Variants in PRAMEF27 observed in about 807,000 individuals in gnomAD.
The protein encoded by PRAMEF27 is PRAME family member 27.
PRAMEF27 carries 5 observed loss-of-function variants against 21.0 expected under a neutral mutation model. The observed-to-expected ratio is 0.24, with a 90% CI of 0.12 to 0.50. The LOEUF is 0.50. PRAMEF27 is among the 20% of genes least tolerant of loss of function. PRAMEF27 has a pLI of 0.98. For synonymous variants in PRAMEF27, 61 were observed against 211.2 expected (o/e 0.29, Z 6.17); for missense variants, 138 against 541.4 (o/e 0.25, Z 7.39).
intron 1 of PRAMEF27, 60 bp downstream of exon 1, chr1:13,056,354 A>G (rs1333442753): frequency 8.0e-6 from 1 of 124,574 alleles, no homozygotes; most frequent in African/African-American, 4.9e-5. Flanking sequence ...CACTGTCACC[A>G]TCCCAGACTG....
Position 13,053,554 on chromosome 1 carries a change from C to T in PRAMEF27, c.106G>A (p.Glu36Lys). Residue 36 changes from glutamate (E) to lysine (K), a missense_variant, in exon 2 of 4, where the codon GAA (glutamate) becomes AAA (lysine). Transcript: ENST00000436041. ...TCCATGAACAGTGGGGGGAAAAGTTCTGTGGGCAGCTCCTCCAGGGTGGAC... is the reference window on the plus strand; with the variant it reads ...TCCATGAACAGTGGGGGGAAAAGTTTTGTGGGCAGCTCCTCCAGGGTGGAC... ...AMSTLEELPT[E>K]LFPPLFMEAF... is the part of the protein sequence containing the mutation. 5.7e-6 allele frequency: 9 copies of T among 1,570,186 alleles called. No homozygotes were observed. In the Admixed American group the frequency reaches 1.4e-4, roughly 24 times the overall value.
intron 1 of PRAMEF27, chr1:13,055,607 AG>A (rs1211366520): frequency 2.0e-5 from 3 of 150,572 alleles, no homozygotes. Flanking sequence ...TTTAAAATTA[AG>A]GTCAAAGATC....
At position 13,050,005 on chromosome 1, in the gene PRAMEF27, C is replaced by T. The variant is rs1172125965; in HGVS notation, c.1240G>A (p.Val414Met). Residue 414 changes from valine to methionine, a missense_variant, in exon 4 of 4, where the codon GTG (valine) becomes ATG (methionine). Val to Met is a conservative substitution (Grantham distance 21). Transcript: ENST00000436041. ...TAACTCTCCCGCGGGGCAGGATACA[C>T]CTCCACGCATAAGTTTTTGAGTATG... ...TIILKNLCVE[V>M]YPAPRESYGA... 130 of 1,427,510 alleles carry T rather than the reference C, an allele frequency of 9.1e-5. 25 individuals carry two copies. Among genetic ancestry groups the T allele is most frequent in the Non-Finnish European group, 1.1e-4 (120 of 1,077,624 alleles). The allele number at this position is 1,427,510 out of a possible 1,614,324, so 88.4% of individuals were successfully genotyped here. A position where few individuals can be genotyped will look rare whatever the true frequency, so the allele number is the denominator to read the frequency against.
intron 1 of PRAMEF27, chr1:13,055,675 T>C (rs1276307080): frequency 6.6e-6 from 1 of 150,508 alleles, no homozygotes; most frequent in Non-Finnish European, 1.5e-5. Flanking sequence ...TTGCCCAGGC[T>C]GGAGTACAGC....
Position 13,056,525 on chromosome 1 carries a change from C to A in PRAMEF27, c.-128G>T, listed in dbSNP as rs1570005381. ...TGGGTCTTTAGAAGCTTTTATTGAC[C>A]TTTCTAATCACAACTCCCACCCACG... is the stretch of plus-strand genomic sequence containing the variant. On this transcript the variant is annotated 5_prime_UTR_variant, in exon 1 of 4. It adds an upstream start codon to the 5' untranslated region. Transcript: ENST00000436041. The A allele has an allele frequency of 7.8e-6, 1 of 127,886 alleles. No homozygotes were observed. Among genetic ancestry groups the A allele is most frequent in the East Asian group, 2.1e-4 (1 of 4,712 alleles). The allele number at this position is 127,886 out of a possible 1,614,324, so 7.9% of individuals were successfully genotyped here. A position where few individuals can be genotyped will look rare whatever the true frequency, so the allele number is the denominator to read the frequency against.
intron 1 of PRAMEF27, chr1:13,055,795 T>C (rs1642240556): frequency 7.2e-6 from 1 of 138,520 alleles, no homozygotes; most frequent in African/African-American, 3.1e-5. Flanking sequence ...CTCACAGCTG[T>C]AATCCCAGCA....
chr1:13,051,998 C>T (rs1435101107), intron 3 of PRAMEF27, 120 bp downstream of exon 3: 2 of 1,425,846 alleles, frequency 1.4e-6, no homozygotes, highest in Non-Finnish European at 1.9e-6. Context: ...AATGTATGGA[C>T]ATTCTAGTGT....
rs1455246261 is a variant in PRAMEF27, at chr1:13,053,864, C to T, written c.-16-189G>A. The T allele has an allele frequency of 2.0e-5, 17 of 840,748 alleles. 1 individual carries two copies. The highest frequency in any genetic ancestry group is 8.8e-5 in the African/African-American group (2 of 22,742). The allele number at this position is 840,748 out of a possible 1,614,324, so 52.1% of individuals were successfully genotyped here. A position where few individuals can be genotyped will look rare whatever the true frequency, so the allele number is the denominator to read the frequency against. Reference sequence around the variant, plus strand: ...TCTGCTGCATCAGCATGAGCGTCTCCGAAGCAGTGAGGAAGCAGGGTCACC... The same window carrying T: ...TCTGCTGCATCAGCATGAGCGTCTCTGAAGCAGTGAGGAAGCAGGGTCACC... On this transcript the variant is annotated intron_variant, in intron 1 of 3. Coordinates refer to ENST00000436041, the MANE Select transcript of PRAMEF27 (RefSeq NM_001300891.2).
At chr1:13,055,983 G>C (rs1391747285) in intron 1 of PRAMEF27, 1 of 123,440 alleles carries the variant, frequency 8.1e-6, no homozygotes, top group Non-Finnish European at 1.5e-5. Flanking sequence ...TTGAACCCAG[G>C]AGTTAAAGGT....
Position 13,049,911 on chromosome 1 carries a change from C to G in PRAMEF27, c.1334G>C (p.Arg445Thr). Reference sequence around the variant, plus strand: ...GATCCTCTTGGGGTGCCTTAAGTCCCTCACTCTGTTCATCAGCTCAGCCCT... The same window carrying G: ...GATCCTCTTGGGGTGCCTTAAGTCCGTCACTCTGTTCATCAGCTCAGCCCT... ...QIRAELMNRVRDLRHPKRIFF... is the reference protein window; with the variant it reads ...QIRAELMNRVTDLRHPKRIFF... The change falls in exon 4 of 4, where the codon AGG (arginine) becomes ACG (threonine). Residue 445 changes from arginine (R) to threonine (T), a missense_variant. Transcript: ENST00000436041. The G allele has an allele frequency of 2.8e-6, 4 of 1,419,516 alleles. No individual in the cohort carries two copies. Among genetic ancestry groups the G allele is most frequent in the Non-Finnish European group, 3.7e-6 (4 of 1,081,750 alleles). 87.9% of individuals were successfully genotyped at this position (1,419,516 alleles called of 1,614,324 possible).
intron 1 of PRAMEF27, chr1:13,055,528 G>A (rs1249388643): frequency 2.8e-4 from 39 of 137,202 alleles, no homozygotes; most frequent in Non-Finnish European, 3.5e-4. Flanking sequence ...AGCCTTCCAC[G>A]TAGCTGGGAC....
At chr1:13,055,719 C>T (rs1405456044) in intron 1 of PRAMEF27, 1 of 147,972 alleles carries the variant, frequency 6.8e-6, no homozygotes, top group Non-Finnish European at 1.5e-5. Flanking sequence ...CAGCCTCAAT[C>T]TTCTGGACTC....
Position 13,053,363 on chromosome 1 carries a change from T to C in PRAMEF27, c.293+4A>G. Reference sequence around the variant, plus strand: ...TCCCCACCAGCCCACCTGGGCCACCTCACCTGGGACAAACCCCTTGGGTAA... The same window carrying C: ...TCCCCACCAGCCCACCTGGGCCACCCCACCTGGGACAAACCCCTTGGGTAA... On this transcript the variant is annotated splice_donor_region_variant and intron_variant, in intron 2 of 3. Transcript: ENST00000436041. 7.4e-6 allele frequency: 11 copies of C among 1,485,086 alleles called. 2 individuals carry two copies. The South Asian group carries it at 1.4e-4, about 19-fold the overall frequency. 92.0% of individuals were successfully genotyped at this position (1,485,086 alleles called of 1,614,324 possible). A position where few individuals can be genotyped will look rare whatever the true frequency, so the allele number is the denominator to read the frequency against.
chr1:13,052,423 C>CA lies in PRAMEF27; in HGVS notation c.569dup (p.Leu190PhefsTer116). 2.3e-6 allele frequency: 3 copies of CA among 1,329,946 alleles called. No homozygotes were observed. Among genetic ancestry groups the CA allele is most frequent in the Non-Finnish European group, 2.9e-6 (3 of 1,019,604 alleles). The allele number at this position is 1,329,946 out of a possible 1,614,324, so 82.4% of individuals were successfully genotyped here. On this transcript the variant is annotated frameshift_variant, in exon 3 of 4. Transcript: ENST00000436041. LOFTEE classifies it high-confidence loss of function. The stretch of plus-strand genomic sequence containing the variant: ...TTCTGATATTGCGGAAGGGCATTCC[C>CA]AAAATTTTCAGCTTCTTACAGCACA...
Position 13,049,838 on chromosome 1 carries a change from A to T in PRAMEF27, c.1407T>A (p.Tyr469Ter). Residue 469 changes from tyrosine (Y) to a stop codon, truncating the protein, a stop_gained, in exon 4 of 4, where the codon TAT becomes TAA. Transcript: ENST00000436041. LOFTEE classifies it low-confidence loss of function (END_TRUNC). ...AGCAGTATTGATCTGCCTCCAGGTC[A>T]TAAAATGACCTGTTGCCACAGTCAG... Reference protein sequence around the residue: ...NCPDCGNRSFYDLEADQYCC With the variant: ...NCPDCGNRSF The T allele has an allele frequency of 7.1e-7, 1 of 1,409,046 alleles. No homozygotes were observed. The highest frequency in any genetic ancestry group is 9.3e-7 in the Non-Finnish European group (1 of 1,077,322). The allele number at this position is 1,409,046 out of a possible 1,614,324, so 87.3% of individuals were successfully genotyped here.
chr1:13,055,457 C>G (rs1642236675), intron 1 of PRAMEF27: 1 of 73,404 alleles, frequency 1.4e-5, no homozygotes, highest in Admixed American at 1.4e-4. Context: ...TGCAGTGGCA[C>G]CATCTTGGCT....
rs1172509622 is a variant in PRAMEF27 at position 13,053,802 on chromosome 1, G to T, written c.-16-127C>A. 1.7e-4 allele frequency: 213 copies of T among 1,254,338 alleles called. 30 individuals carry two copies. The highest frequency in any genetic ancestry group is 2.2e-4 in the Non-Finnish European group (206 of 952,176). The allele number at this position is 1,254,338 out of a possible 1,614,324, so 77.7% of individuals were successfully genotyped here. On this transcript the variant is annotated intron_variant, in intron 1 of 3. Coordinates refer to ENST00000436041, the MANE Select transcript of PRAMEF27 (RefSeq NM_001300891.2). ...ACAGCCCTCAGTTTACTCCAATTCT[G>T]CCCTGTACTCAGTGGCCATTAAGCC...
At chr1:13,055,770 A>G (rs1412709545) in intron 1 of PRAMEF27, 1 of 140,404 alleles carries the variant, frequency 7.1e-6, no homozygotes, top group Non-Finnish European at 1.5e-5. Flanking sequence ...AGCTGGGACT[A>G]CAGATGCATG....
In PRAMEF27 at chr1:13,052,873, T is replaced by TG; in HGVS notation, c.294-175dup. The TG allele has an allele frequency of 5.2e-6, 3 of 576,504 alleles. No individual in the cohort carries two copies. In the African/African-American group the frequency reaches 1.7e-4, roughly 33 times the overall value. 35.7% of individuals were successfully genotyped at this position (576,504 alleles called of 1,614,324 possible). On this transcript the variant is annotated intron_variant, in intron 2 of 3. Coordinates refer to ENST00000436041, the MANE Select transcript of PRAMEF27 (RefSeq NM_001300891.2). ...TTCCACATTTTTTTGTTTTTTTTTT[T>TG]GAGACCAAGTCTCCCTCTGTCGCCC...
Sources: gnomAD v4.1 joint callset for allele counts on GRCh38, gnomAD v4.1.1 for gene constraint, MANE v1.5 for transcripts, NCBI Gene and HGNC (gene_info 2026-07-23, HGNC 2026-07-21) for gene names.